Variants in EREG observed in about 807,000 individuals in gnomAD.
EREG encodes the protein proepiregulin.
In EREG, 23 loss-of-function variants were observed where a neutral mutation model predicts 22.4. The observed-to-expected ratio is 1.03, with a 90% CI of 0.74 to 1.46. The LOEUF (loss-of-function observed/expected upper bound fraction) is 1.46, where lower values mean the gene tolerates loss of function less well. EREG is among the 40% of genes most tolerant of loss of function. The pLI, the probability that EREG is intolerant of heterozygous loss-of-function variation, is 0.00. For synonymous variants in EREG, 100 were observed against 75.4 expected (o/e 1.33, Z -1.69); for missense variants, 226 against 205.9 (o/e 1.10, Z -0.60).
At position 74,365,252 on chromosome 4, in the gene EREG, C is replaced by A; in HGVS notation, c.-57C>A. The A allele has an allele frequency of 2.8e-6, 4 of 1,422,738 alleles. No homozygotes were observed. Among genetic ancestry groups the A allele is most frequent in the Non-Finnish European group, 2.9e-6 (3 of 1,024,474 alleles). The allele number at this position is 1,422,738 out of a possible 1,614,324, so 88.1% of individuals were successfully genotyped here. On this transcript the variant is annotated 5_prime_UTR_variant, in exon 1 of 5. Coordinates refer to ENST00000244869, the MANE Select transcript of EREG (RefSeq NM_001432.3). ...CGCGAGCCCGTCTGCTCCCGCCCTGCCCGTGCACTCTCCGCAGCCGCCCTC... is the reference window on the plus strand; with the variant it reads ...CGCGAGCCCGTCTGCTCCCGCCCTGACCGTGCACTCTCCGCAGCCGCCCTC...
intron 1 of EREG, among the ~76,000 whole-genome samples, chr4:74,366,747 AGTGTGTGTGTT>A (rs1752192637): frequency 6.6e-6 from 1 of 152,024 alleles, no homozygotes; most frequent in African/African-American, 2.4e-5. Flanking sequence ...ACTACCCACT[AGTGTGTGTGTT>A]GTGTGTGTGT....
At chr4:74,369,879 G>T (rs1005621888) in intron 1 of EREG, among the ~76,000 whole-genome samples, 14 of 151,870 alleles carry the variant, frequency 9.2e-5, no homozygotes, top group Admixed American at 7.9e-4. Flanking sequence ...AGATTTAATG[G>T]ATAAGATGAT....
At position 74,368,319 on chromosome 4, in the gene EREG, C is replaced by T. The variant is rs1263581056; in HGVS notation, c.67+2944C>T. On this transcript the variant is annotated intron_variant, in intron 1 of 4. Coordinates refer to ENST00000244869, the MANE Select transcript of EREG (RefSeq NM_001432.3). Reference sequence around the variant, plus strand: ...TCATAATTTCTAATCAACACAGTTCCCCTAAGATATGATTTTTATTATGAA... The same window carrying T: ...TCATAATTTCTAATCAACACAGTTCTCCTAAGATATGATTTTTATTATGAA... 2.0e-5 allele frequency among the ~76,000 whole-genome samples: 3 copies of T among 152,130 alleles called. No homozygotes were observed. The East Asian group carries it at 5.8e-4, about 29-fold the overall frequency.
intron 1 of EREG, among the ~76,000 whole-genome samples, chr4:74,371,321 T>C (rs1752286486): frequency 1.3e-5 from 2 of 152,178 alleles, no homozygotes; most frequent in South Asian, 4.1e-4. Flanking sequence ...CCCATTCTCA[T>C]GTTTAAAAAA....
At chr4:74,373,731 CG>C (rs1560597418) in intron 1 of EREG, among the ~76,000 whole-genome samples, 1 of 147,280 alleles carries the variant, frequency 6.8e-6, no homozygotes, top group African/African-American at 2.5e-5. Context: ...TAAGTATATA[CG>C]TGTGCGTATA....
In EREG at chr4:74,382,704, C is replaced by T. The variant is rs752465246; in HGVS notation, c.338C>T (p.Pro113Leu). The T allele has an allele frequency of 6.8e-6, 11 of 1,613,630 alleles. No homozygotes were observed. The East Asian group carries it at 1.8e-4, about 26-fold the overall frequency. The change falls in exon 4 of 5, where the codon CCT (proline) becomes CTT (leucine). Residue 113 changes from proline to leucine, a missense_variant. Pro to Leu is a moderately conservative substitution (Grantham distance 98). Transcript: ENST00000244869. Reference protein sequence around the residue: ...CEHFFLTVHQPLSKEYVALTV... With the variant: ...CEHFFLTVHQLLSKEYVALTV... ...CACTTCTTTTTAACCGTCCACCAAC[C>T]TTTAAGCAAAGAATATGTGGCTTTG...
At chr4:74,380,049 A>C (rs1025415983) in intron 2 of EREG, among the ~76,000 whole-genome samples, 4 of 152,248 alleles carry the variant, frequency 2.6e-5, no homozygotes, top group Non-Finnish European at 4.4e-5. Flanking sequence ...ATACAAAGAT[A>C]AGTAATACAG....
intron 1 of EREG, among the ~76,000 whole-genome samples, chr4:74,372,276 G>A (rs1752303772): frequency 6.6e-6 from 1 of 152,196 alleles, no homozygotes; most frequent in Non-Finnish European, 1.5e-5. Context: ...TATTATGTGG[G>A]TTCTCTGAAT....
At chr4:74,379,356 C>G in intron 1 of EREG, 92 bp from the exon 2 acceptor site, 4 of 736,286 alleles carry the variant, frequency 5.4e-6, no homozygotes, top group Non-Finnish European at 4.7e-6. Context: ...TGAAACAAAA[C>G]AACTCTATAA....
At chr4:74,366,911 A>T (rs1232671117) in intron 1 of EREG, among the ~76,000 whole-genome samples, 1 of 152,156 alleles carries the variant, frequency 6.6e-6, no homozygotes, top group East Asian at 1.9e-4. Context: ...TGCCACTAGG[A>T]AAGTTCCTGT....
intron 1 of EREG, among the ~76,000 whole-genome samples, chr4:74,373,383 GA>G (rs1752326200): frequency 6.6e-6 from 1 of 151,806 alleles, no homozygotes; most frequent in African/African-American, 2.4e-5. Flanking sequence ...ACTTGTCAAG[GA>G]AGATTCTATG....
Position 74,384,711 on chromosome 4 carries a change from T to G in EREG, c.429-16T>G. 1.3e-6 allele frequency: 2 copies of G among 1,532,974 alleles called. No individual in the cohort carries two copies. Among genetic ancestry groups the G allele is most frequent in the East Asian group, 2.2e-5 (1 of 44,526 alleles). The allele number at this position is 1,532,974 out of a possible 1,614,324, so 95.0% of individuals were successfully genotyped here. On this transcript the variant is annotated splice_polypyrimidine_tract_variant and intron_variant, in intron 4 of 4. Transcript: ENST00000244869. Reference sequence around the variant, plus strand: ...TTAACTGCAGTGCTAACAGTTTCGTTTGTGAATATTTCCAGGTACAGAAAT... The same window carrying G: ...TTAACTGCAGTGCTAACAGTTTCGTGTGTGAATATTTCCAGGTACAGAAAT...
chr4:74,372,667 GA>G (rs1386693348), intron 1 of EREG, among the ~76,000 whole-genome samples: 3 of 151,940 alleles, frequency 2.0e-5, no homozygotes, highest in Non-Finnish European at 4.4e-5. Context: ...ATTGTCTTGA[GA>G]AAAAAATATG....
At chr4:74,383,833 T>G (rs1254992384) in intron 4 of EREG, among the ~76,000 whole-genome samples, 3 of 152,174 alleles carry the variant, frequency 2.0e-5, no homozygotes, top group African/African-American at 7.2e-5. Flanking sequence ...TAAATATTAT[T>G]AAAACTGAAA....
At position 74,365,202 on chromosome 4, in the gene EREG, C is replaced by T. The variant is rs571188279; in HGVS notation, c.-107C>T. ...CAGCCAACGTGGGGTCCCTTCTAGG[C>T]TGACAGCCGCTCTCCAGCCACTGCC... On this transcript the variant is annotated 5_prime_UTR_variant, in exon 1 of 5. Coordinates refer to ENST00000244869, the MANE Select transcript of EREG (RefSeq NM_001432.3). 1.3e-4 allele frequency: 112 copies of T among 838,914 alleles called. No individual in the cohort carries two copies. The highest frequency in any genetic ancestry group is 2.1e-4 in the Non-Finnish European group (106 of 513,804). The allele number at this position is 838,914 out of a possible 1,614,324, so 52.0% of individuals were successfully genotyped here.
At chr4:74,374,920 C>G (rs958444734) in intron 1 of EREG, among the ~76,000 whole-genome samples, 1 of 152,108 alleles carries the variant, frequency 6.6e-6, no homozygotes, top group Admixed American at 6.5e-5. Flanking sequence ...AAACAATGAC[C>G]TCTGAATGCA....
chr4:74,387,882 G>C lies in EREG; in HGVS notation c.*3074G>C, dbSNP rs571923653. On this transcript the variant is annotated 3_prime_UTR_variant, in exon 5 of 5. Transcript: ENST00000244869. ...TTAAGTTCTATAACTAGTACTCAAGGTTTAACCTTAAAATTAAGATTTCCT... is the reference window on the plus strand; with the variant it reads ...TTAAGTTCTATAACTAGTACTCAAGCTTTAACCTTAAAATTAAGATTTCCT... 2 of 152,230 alleles carry C rather than the reference G, an allele frequency of 1.3e-5. No homozygotes were observed. Among genetic ancestry groups the C allele is most frequent in the Admixed American group, 1.3e-4 (2 of 15,294 alleles). 9.4% of individuals were successfully genotyped at this position (152,230 alleles called of 1,614,324 possible).
Position 74,385,876 on chromosome 4 carries a change from T to G in EREG, c.*1068T>G. 1 of 396,824 alleles carries G rather than the reference T, an allele frequency of 2.5e-6. No individual in the cohort carries two copies. Among genetic ancestry groups the G allele is most frequent in the Non-Finnish European group, 4.4e-6 (1 of 224,914 alleles). The allele number at this position is 396,824 out of a possible 1,614,324, so 24.6% of individuals were successfully genotyped here. A position where few individuals can be genotyped will look rare whatever the true frequency, so the allele number is the denominator to read the frequency against. ...AAATGGCTTCTTCTAGAATGTAAAG[T>G]TATGTATTTAAAGTTGTATCTTGAC... On this transcript the variant is annotated 3_prime_UTR_variant, in exon 5 of 5. Transcript: ENST00000244869.
At chr4:74,374,464 G>A (rs1032402429) in intron 1 of EREG, among the ~76,000 whole-genome samples, 2 of 152,092 alleles carry the variant, frequency 1.3e-5, no homozygotes, top group Non-Finnish European at 2.9e-5. Context: ...TTGAGCCCAG[G>A]GATTCGAGGC....
Sources: allele counts gnomAD v4.1 joint callset (sites outside exome capture counted in the v4.1 genomes callset), GRCh38; gene constraint gnomAD v4.1.1; transcripts MANE v1.5; gene names NCBI Gene and HGNC (gene_info 2026-07-23, HGNC 2026-07-21).